NBPF26: variants seen among roughly 807,000 people sequenced by gnomAD.
NBPF26 encodes the protein NBPF family member NBPF26.
Under a neutral mutation model 119.6 loss-of-function variants are expected in NBPF26, and 79 were observed. The ratio of observed to expected loss-of-function variants is 0.66; its 90% confidence interval spans 0.55 to 0.80. The LOEUF (loss-of-function observed/expected upper bound fraction) is 0.80. NBPF26 is among the 30% of genes least tolerant of loss of function. The pLI is 0.00. For missense variants in NBPF26, 800 were observed against 1,198.2 expected, an observed-to-expected ratio of 0.67 and a Z score of 4.91; for synonymous variants, 299 against 457.7, an observed-to-expected ratio of 0.65 and a Z score of 4.43.
chr1:120,764,261 A>T, intron 2 of NBPF26, among the ~76,000 whole-genome samples: 1 of 110,748 alleles, frequency 9.0e-6, no homozygotes, highest in Admixed American at 8.7e-5. Context: ...AGAAATAAAA[A>T]AAATATATAA....
At position 120,815,215 on chromosome 1, in the gene NBPF26, G is replaced by T. The variant is rs1553271612; in HGVS notation, c.2092+172G>T. Among the ~76,000 whole-genome samples the T allele has an allele frequency of 3.7e-4, 41 of 111,582 alleles. 6 individuals carry two copies. Among genetic ancestry groups the T allele is most frequent in the Middle Eastern group, 3.8e-3 (1 of 260 alleles). 73.2% of individuals were successfully genotyped at this position (111,582 alleles called of 152,430 possible). On this transcript the variant is annotated intron_variant, in intron 12 of 29. Coordinates refer to ENST00000620612, the Ensembl canonical transcript of NBPF26. ...AGAACAGAGATGGGAAACCCATGGG[G>T]TTGGAGGTCACAGTATTGCAAGTGT... is the stretch of plus-strand genomic sequence containing the variant.
At chr1:120,726,785 G>C (rs1650819301) in intron 1 of NBPF26, among the ~76,000 whole-genome samples, 1 of 112,646 alleles carries the variant, frequency 8.9e-6, no homozygotes, top group East Asian at 2.2e-4. Flanking sequence ...GGAGAAGAGT[G>C]ATTCCTAGTC....
chr1:120,763,654 C>G lies in NBPF26; in HGVS notation c.100C>G (p.Pro34Ala), dbSNP rs1425245471. ...ATTGCAGTGTCGAGATGGCTATGAACCCTGTGTAAATAAAGGAATGTGTGT... is the reference window on the plus strand; with the variant it reads ...ATTGCAGTGTCGAGATGGCTATGAAGCCTGTGTAAATAAAGGAATGTGTGT... Residue 34 changes from proline to alanine, a missense_variant, in exon 2 of 30, where the codon CCC (proline) becomes GCC (alanine). Coordinates refer to ENST00000620612, the Ensembl canonical transcript of NBPF26. The G allele has an allele frequency of 2.1e-6, 3 of 1,411,184 alleles. 1 individual carries two copies. Among genetic ancestry groups the G allele is most frequent in the Non-Finnish European group, 2.8e-6 (3 of 1,053,448 alleles). 87.4% of individuals were successfully genotyped at this position (1,411,184 alleles called of 1,614,324 possible).
In NBPF26 at chr1:120,755,942, T is replaced by TG. The variant is rs1557981782; in HGVS notation, c.74-7686_74-7685insG. On this transcript the variant is annotated intron_variant, in intron 1 of 29. Coordinates refer to ENST00000620612, the Ensembl canonical transcript of NBPF26. ...GATTTATCTCTTATTGCTTTTTTTT[T>TG]TTTTTTTTTTTTTCCTTTCAATCAA... Among the ~76,000 whole-genome samples, 8 of 96,142 alleles carry TG rather than the reference T, an allele frequency of 8.3e-5. 3 individuals are homozygous for TG. The highest frequency in any genetic ancestry group is 4.8e-4 in the East Asian group (2 of 4,194). The allele number at this position is 96,142 out of a possible 152,430, so 63.1% of individuals were successfully genotyped here.
Position 120,811,820 on chromosome 1 carries a change from C to A in NBPF26, c.1565-66C>A. On this transcript the variant is annotated intron_variant, in intron 9 of 29. Coordinates refer to ENST00000620612, the Ensembl canonical transcript of NBPF26. Reference sequence around the variant, plus strand: ...AAGGCTACCAGTGACATCCCTCAGTCCTGATTAAGCCTATTTGATTTCACC... The same window carrying A: ...AAGGCTACCAGTGACATCCCTCAGTACTGATTAAGCCTATTTGATTTCACC... 2 of 705,208 alleles carry A rather than the reference C, an allele frequency of 2.8e-6. 1 individual carries two copies. Among genetic ancestry groups the A allele is most frequent in the Non-Finnish European group, 4.9e-6 (2 of 411,094 alleles). 43.7% of individuals were successfully genotyped at this position (705,208 alleles called of 1,614,324 possible). A position where few individuals can be genotyped will look rare whatever the true frequency, so the allele number is the denominator to read the frequency against.
chr1:120,786,336 G>A (rs1467577271), intron 3 of NBPF26, among the ~76,000 whole-genome samples: 1 of 99,168 alleles, frequency 1.0e-5, no homozygotes, highest in South Asian at 3.0e-4. Flanking sequence ...CCTTTCACCT[G>A]TCTATTCCTC....
chr1:120,794,145 C>G lies in NBPF26; in HGVS notation c.751+649C>G, dbSNP rs1487684972. On this transcript the variant is annotated intron_variant, in intron 4 of 29. Coordinates refer to ENST00000620612, the Ensembl canonical transcript of NBPF26. ...GAGCTGATAGATGATATATGAGAGACTATGTGTGGCACAATACTTTGTTAC... is the reference window on the plus strand; with the variant it reads ...GAGCTGATAGATGATATATGAGAGAGTATGTGTGGCACAATACTTTGTTAC... 4.4e-5 allele frequency among the ~76,000 whole-genome samples: 5 copies of G among 113,938 alleles called. 1 individual carries two copies. Among genetic ancestry groups the G allele is most frequent in the African/African-American group, 2.1e-4 (4 of 18,810 alleles). The allele number at this position is 113,938 out of a possible 152,430, so 74.7% of individuals were successfully genotyped here. A position where few individuals can be genotyped will look rare whatever the true frequency, so the allele number is the denominator to read the frequency against.
intron 4 of NBPF26, among the ~76,000 whole-genome samples, chr1:120,802,592 A>G (rs1553269099): frequency 4.2e-5 from 5 of 120,228 alleles, no homozygotes; most frequent in Admixed American, 1.6e-4. Flanking sequence ...ATATAAATTA[A>G]GTTTACCTCT....
At position 120,777,651 on chromosome 1, in the gene NBPF26, TTTTC is replaced by T. The variant is rs1651313617; in HGVS notation, c.156-7315_156-7312del. Among the ~76,000 whole-genome samples the T allele has an allele frequency of 1.9e-4, 4 of 20,840 alleles. 1 individual carries two copies. The South Asian group carries it at 3.7e-3, about 19-fold the overall frequency. 13.7% of individuals were successfully genotyped at this position (20,840 alleles called of 152,430 possible). A position where few individuals can be genotyped will look rare whatever the true frequency, so the allele number is the denominator to read the frequency against. ...CTGAGTAAGCTATAGTATTTCCTTT[TTTTC>T]TTTCTTTTTTTTTTGAGAGAAGGGG... is the stretch of plus-strand genomic sequence containing the variant. On this transcript the variant is annotated intron_variant, in intron 2 of 29. Coordinates refer to ENST00000620612, the Ensembl canonical transcript of NBPF26.
chr1:120,726,051 A>G (rs1650810958), intron 1 of NBPF26, among the ~76,000 whole-genome samples: 1 of 105,738 alleles, frequency 9.5e-6, no homozygotes, highest in East Asian at 2.2e-4. Flanking sequence ...AGAGAATTGT[A>G]GGGAATAATA....
rs1196340846 is a variant in NBPF26 at position 120,724,364 on chromosome 1, G to C, written c.73+114G>C. On this transcript the variant is annotated intron_variant, in intron 1 of 29. Transcript: ENST00000620612. ...GAAGGCCAGGCTCGGCCGCCGGCGC[G>C]GAGTGAGGCCACTCGCTGGGTTCCC... is the stretch of plus-strand genomic sequence containing the variant. The C allele has an allele frequency of 3.1e-5, 42 of 1,349,926 alleles. 11 individuals carry two copies. Among genetic ancestry groups the C allele is most frequent in the African/African-American group, 5.4e-5 (2 of 37,122 alleles). 83.6% of individuals were successfully genotyped at this position (1,349,926 alleles called of 1,614,324 possible).
At chr1:120,795,669 A>G (rs1651544024) in intron 4 of NBPF26, among the ~76,000 whole-genome samples, 1 of 1,370 alleles carries the variant, frequency 7.3e-4, no homozygotes, top group Non-Finnish European at 1.5e-3. Flanking sequence ...TAAGTGATTC[A>G]CCCAAAGTTG....
Position 120,812,103 on chromosome 1 carries a change from C to A in NBPF26, c.1774+8C>A. 3.4e-6 allele frequency: 4 copies of A among 1,181,298 alleles called. 1 individual carries two copies. Among genetic ancestry groups the A allele is most frequent in the Admixed American group, 4.0e-5 (2 of 49,720 alleles). The allele number at this position is 1,181,298 out of a possible 1,614,324, so 73.2% of individuals were successfully genotyped here. Reference sequence around the variant, plus strand: ...ACCAGCAGAACAAATACAGTAAGATCTATTGGCTCACCATCACGAAAGTGA... The same window carrying A: ...ACCAGCAGAACAAATACAGTAAGATATATTGGCTCACCATCACGAAAGTGA... On this transcript the variant is annotated splice_region_variant and intron_variant, in intron 10 of 29. Coordinates refer to ENST00000620612, the Ensembl canonical transcript of NBPF26.
exon 14 of NBPF26, chr1:120,816,767 T>A: frequency 7.1e-7 from 1 of 1,411,810 alleles, no homozygotes; most frequent in Non-Finnish European, 9.4e-7. Context: ...CAAAGTCGAC[T>A]CAACTCTCAT....
downstream of NBPF26, among the ~76,000 whole-genome samples, chr1:120,841,955 A>G (rs1293180571): frequency 1.6e-5 from 1 of 64,168 alleles, no homozygotes; most frequent in African/African-American, 1.3e-4. Flanking sequence ...TATTATATTC[A>G]TATCTCTACA....
chr1:120,784,167 C>G (rs1651396634), intron 2 of NBPF26, among the ~76,000 whole-genome samples: 1 of 117,756 alleles, frequency 8.5e-6, no homozygotes, highest in African/African-American at 4.9e-5. Context: ...AAGTAAAGAA[C>G]TAAGCTGATG....
chr1:120,790,540 CTTT>C lies in NBPF26; in HGVS notation c.416-2620_416-2618del, dbSNP rs1651476670. 2.5e-4 allele frequency among the ~76,000 whole-genome samples: 12 copies of C among 48,088 alleles called. 1 individual carries two copies. The highest frequency in any genetic ancestry group is 4.6e-4 in the East Asian group (1 of 2,160). 31.5% of individuals were successfully genotyped at this position (48,088 alleles called of 152,430 possible). A position where few individuals can be genotyped will look rare whatever the true frequency, so the allele number is the denominator to read the frequency against. The stretch of plus-strand genomic sequence containing the variant: ...TCTTTCTTTCTTTCTCCCTCCCTTT[CTTT>C]CTTTCTTTCTTTCTTTCTTTCTTTC... On this transcript the variant is annotated intron_variant, in intron 3 of 29. Transcript: ENST00000620612.
In NBPF26 at chr1:120,802,504, C is replaced by T. The variant is rs1462059523; in HGVS notation, c.752-3052C>T. Among the ~76,000 whole-genome samples the T allele has an allele frequency of 2.1e-4, 26 of 125,060 alleles. 6 individuals are homozygous for T. Among genetic ancestry groups the T allele is most frequent in the African/African-American group, 4.3e-4 (11 of 25,738 alleles). 82.0% of individuals were successfully genotyped at this position (125,060 alleles called of 152,430 possible). On this transcript the variant is annotated intron_variant, in intron 4 of 29. Coordinates refer to ENST00000620612, the Ensembl canonical transcript of NBPF26. ...GAGTACAACAGAGACATGAGCCCTT[C>T]GGGACACATGCCTGAGGTAGTGACA...
intron 2 of NBPF26, among the ~76,000 whole-genome samples, chr1:120,777,998 G>A (rs1489712081): frequency 4.9e-5 from 4 of 82,064 alleles, no homozygotes; most frequent in South Asian, 3.5e-4. Context: ...GTTTGTAGTC[G>A]GAGCCTTGGG....
Sources: gnomAD v4.1 joint callset for allele counts (sites outside exome capture counted in the v4.1 genomes callset) on GRCh38, gnomAD v4.1.1 for gene constraint, MANE v1.5 for transcripts, NCBI Gene and HGNC (gene_info 2026-07-23, HGNC 2026-07-21) for gene names.